Variants in HAUS2 observed in about 807,000 individuals in gnomAD.
The protein encoded by HAUS2 is HAUS augmin like complex subunit 2.
HAUS2 carries 20 observed loss-of-function variants against 21.6 expected under a neutral mutation model. The observed-to-expected ratio is 0.93, with a 90% CI of 0.65 to 1.35. The LOEUF is 1.35. Among genes scored for constraint, HAUS2 ranks in the 40% most tolerant of loss-of-function variants. The pLI is 0.00. For synonymous variants in HAUS2, 113 were observed against 95.6 expected (o/e 1.18, Z -1.06); for missense variants, 297 against 280.7 (o/e 1.06, Z -0.42).
At chr15:42,559,204 G>A (rs563375466) in intron 2 of HAUS2, 135 bp from the exon 3 acceptor site, 52 of 542,268 alleles carry the variant, frequency 9.6e-5, no homozygotes, top group Non-Finnish European at 1.6e-4. Flanking sequence ...GCACAATCTC[G>A]GCTCACTACA....
At position 42,561,300 on chromosome 15, in the gene HAUS2, A is replaced by G; in HGVS notation, c.287A>G (p.Asn96Ser). 1 of 1,568,082 alleles carries G rather than the reference A, an allele frequency of 6.4e-7. No individual in the cohort carries two copies. The highest frequency in any genetic ancestry group is 8.8e-7 in the Non-Finnish European group (1 of 1,138,136). ...AAGTGTCATACTCTGCAAAGCATGA[A>G]TAATCATTTGGAAGCAGTGCTGAAA... ...AQKCHTLQSM[N>S]NHLEAVLKEK... The change falls in exon 4 of 6, where the codon AAT becomes AGT. Residue 96 changes from asparagine (N) to serine (S), a missense_variant. Transcript: ENST00000260372.
At chr15:42,562,735 A>G (rs1424463819) in intron 4 of HAUS2, among the ~76,000 whole-genome samples, 1 of 152,260 alleles carries the variant, frequency 6.6e-6, no homozygotes, top group Non-Finnish European at 1.5e-5. Context: ...CAGAGATTCA[A>G]AGTAGCTTTC....
chr15:42,556,109 C>T lies in HAUS2; in HGVS notation c.94-2089C>T, dbSNP rs564451398. The stretch of plus-strand genomic sequence containing the variant: ...TAGCTGGGATTACAGGCGCCTGCCA[C>T]CACGCCTGGCTAATTTTTTTTTTTT... On this transcript the variant is annotated intron_variant, in intron 1 of 5. Coordinates refer to ENST00000260372, the MANE Select transcript of HAUS2 (RefSeq NM_018097.3). Among the ~76,000 whole-genome samples, 3 of 150,802 alleles carry T rather than the reference C, an allele frequency of 2.0e-5. No homozygotes were observed. In the South Asian group the frequency reaches 6.3e-4, roughly 32 times the overall value.
Position 42,561,417 on chromosome 15 carries a change from T to C in HAUS2, c.389+15T>C. The C allele has an allele frequency of 6.3e-7, 1 of 1,580,506 alleles. No homozygotes were observed. Among genetic ancestry groups the C allele is most frequent in the Non-Finnish European group, 8.7e-7 (1 of 1,150,978 alleles). ...GTTTATCACAGGTTAGACTGAAAAG[T>C]AGAAATTAACAGTTACACCTGTTTT... On this transcript the variant is annotated intron_variant, in intron 4 of 5. Coordinates refer to ENST00000260372, the MANE Select transcript of HAUS2 (RefSeq NM_018097.3).
At chr15:42,557,808 A>AG (rs11442454) in intron 1 of HAUS2, among the ~76,000 whole-genome samples, 151,040 of 152,124 alleles carry the variant, frequency 0.99, 74,991 homozygotes, top group East Asian at 1. Context: ...GAAGGCGAAA[A>AG]TATTTGATTT....
intron 4 of HAUS2, 173 bp downstream of exon 4, chr15:42,561,575 T>C (rs1399282486): frequency 8.0e-6 from 4 of 500,488 alleles, no homozygotes; most frequent in East Asian, 3.0e-5. Context: ...CCATTATACC[T>C]ATGGCAAAAA....
Position 42,567,593 on chromosome 15 carries a change from C to G in HAUS2, c.*777C>G, listed in dbSNP as rs1185850116. The G allele has an allele frequency of 1.3e-5, 2 of 152,236 alleles. No individual in the cohort carries two copies. The highest frequency in any genetic ancestry group is 1.3e-4 in the Admixed American group (2 of 15,266). 9.4% of individuals were successfully genotyped at this position (152,236 alleles called of 1,614,324 possible). On this transcript the variant is annotated 3_prime_UTR_variant, in exon 6 of 6. Coordinates refer to ENST00000260372, the MANE Select transcript of HAUS2 (RefSeq NM_018097.3). ...GTGGCTCACACCTGTAATCCCAACA[C>G]TTTGGGAGGCCGACCCAGATGGGTG... is the stretch of plus-strand genomic sequence containing the variant.
chr15:42,550,207 A>T (rs2057708276), intron 1 of HAUS2, among the ~76,000 whole-genome samples: 1 of 151,246 alleles, frequency 6.6e-6, no homozygotes, highest in Non-Finnish European at 1.5e-5. Context: ...GCTTGAGCTT[A>T]AGAGATGGAG....
At chr15:42,564,850 T>G (rs996882585) in intron 5 of HAUS2, among the ~76,000 whole-genome samples, 9 of 152,364 alleles carry the variant, frequency 5.9e-5, no homozygotes, top group Admixed American at 4.6e-4. Context: ...TTATTTATTT[T>G]CTGATATGGA....
intron 1 of HAUS2, 31 bp downstream of exon 1, chr15:42,548,996 G>T: frequency 7.1e-7 from 1 of 1,402,778 alleles, no homozygotes; most frequent in Non-Finnish European, 9.9e-7. Context: ...TGTCATCAAG[G>T]GGGTGCCCAA....
intron 5 of HAUS2, among the ~76,000 whole-genome samples, 178 bp from the exon 6 acceptor site, chr15:42,566,429 A>G (rs79899329): frequency 0.047 from 7,098 of 152,218 alleles, 546 homozygotes; most frequent in African/African-American, 0.16. Flanking sequence ...AAGACAAAAG[A>G]GTTGAACTCA....
chr15:42,552,176 C>T (rs768474419), intron 1 of HAUS2, among the ~76,000 whole-genome samples: 6 of 152,218 alleles, frequency 3.9e-5, no homozygotes, highest in Non-Finnish European at 8.8e-5. Context: ...GCGCGCACCA[C>T]CACGCCCGGC....
chr15:42,558,949 C>A (rs1431064971), intron 2 of HAUS2, among the ~76,000 whole-genome samples: 1 of 151,870 alleles, frequency 6.6e-6, no homozygotes, highest in Non-Finnish European at 1.5e-5. Flanking sequence ...CAGACGGAGA[C>A]CCTGTCTCAA....
chr15:42,550,284 G>GGAAAAAAA (rs2057709490), intron 1 of HAUS2, among the ~76,000 whole-genome samples: 1 of 98,368 alleles, frequency 1.0e-5, no homozygotes, highest in Non-Finnish European at 2.1e-5. Context: ...CTGTCTCAGG[G>GGAAAAAAA]AAAAAAAAAA....
chr15:42,561,198 C>T, intron 3 of HAUS2, 72 bp from the exon 4 acceptor site: 1 of 975,200 alleles, frequency 1.0e-6, no homozygotes, highest in Non-Finnish European at 1.6e-6. Flanking sequence ...AGTGTCAAAC[C>T]AAGGCAAAGA....
At chr15:42,563,423 A>G (rs2057870497) in intron 4 of HAUS2, among the ~76,000 whole-genome samples, 1 of 146,730 alleles carries the variant, frequency 6.8e-6, no homozygotes, top group Non-Finnish European at 1.5e-5. Flanking sequence ...AAAAAAAAAA[A>G]AAAAAAGAAA....
chr15:42,560,849 T>TCCC lies in HAUS2; in HGVS notation c.257-420_257-418dup, dbSNP rs554049030. 840 of 702,160 alleles carry TCCC rather than the reference T, an allele frequency of 1.2e-3. 2 individuals are homozygous for TCCC. Among genetic ancestry groups the TCCC allele is most frequent in the Non-Finnish European group, 1.8e-3 (697 of 384,750 alleles). The allele number at this position is 702,160 out of a possible 1,614,324, so 43.5% of individuals were successfully genotyped here. A position where few individuals can be genotyped will look rare whatever the true frequency, so the allele number is the denominator to read the frequency against. On this transcript the variant is annotated intron_variant, in intron 3 of 5. Transcript: ENST00000260372. The stretch of plus-strand genomic sequence containing the variant: ...TGGCCTCAATTCTCCCGTTTCAGTC[T>TCCC]CCCAAAACACTGCGATTACAGGTAT...
Position 42,569,144 on chromosome 15 carries a change from A to T in HAUS2, c.*2328A>T, listed in dbSNP as rs1268136455. On this transcript the variant is annotated 3_prime_UTR_variant, in exon 6 of 6. Coordinates refer to ENST00000260372, the MANE Select transcript of HAUS2 (RefSeq NM_018097.3). ...ACCTATCAGAGGTTATTGTGCATATAATAGAGAGTGATATACTAACAACTG... is the reference window on the plus strand; with the variant it reads ...ACCTATCAGAGGTTATTGTGCATATTATAGAGAGTGATATACTAACAACTG... The T allele has an allele frequency of 6.6e-6, 1 of 152,180 alleles. No individual in the cohort carries two copies. Among genetic ancestry groups the T allele is most frequent in the Non-Finnish European group, 1.5e-5 (1 of 68,042 alleles). The allele number at this position is 152,180 out of a possible 1,614,324, so 9.4% of individuals were successfully genotyped here. A position where few individuals can be genotyped will look rare whatever the true frequency, so the allele number is the denominator to read the frequency against.
At chr15:42,553,954 A>C (rs761024364) in intron 1 of HAUS2, among the ~76,000 whole-genome samples, 5 of 152,200 alleles carry the variant, frequency 3.3e-5, no homozygotes, top group Admixed American at 6.5e-5. Flanking sequence ...AGTTGGAGTA[A>C]TACTTTCCTG....
Sources: allele counts gnomAD v4.1 joint callset (sites outside exome capture counted in the v4.1 genomes callset), GRCh38; gene constraint gnomAD v4.1.1; transcripts MANE v1.5; gene names NCBI Gene and HGNC (gene_info 2026-07-23, HGNC 2026-07-21).